Variants in PCDHA12 observed in about 807,000 individuals in gnomAD.
The protein encoded by PCDHA12 is protocadherin alpha 12.
In PCDHA12, 44 loss-of-function variants were observed where a neutral mutation model predicts 60.0. The ratio of observed to expected loss-of-function variants is 0.73; its 90% CI spans 0.58 to 0.94. The LOEUF is 0.94. PCDHA12 is among the 40% of genes least tolerant of loss of function. The probability of loss-of-function intolerance (pLI) is 0.00; values close to 1 mark genes in which losing one functional copy is unlikely to be tolerated. For missense variants in PCDHA12, 1,276 were observed against 1,239.7 expected (o/e 1.03, Z -0.44); for synonymous variants, 569 against 553.0 (o/e 1.03, Z -0.40).
rs1305231081 is a variant in PCDHA12 at position 141,010,857 on chromosome 5, G to A, written c.*920G>A. The A allele has an allele frequency of 6.5e-6, 1 of 153,732 alleles. No homozygotes were observed. The highest frequency in any genetic ancestry group is 2.4e-5 in the African/African-American group (1 of 41,448). 9.5% of individuals were successfully genotyped at this position (153,732 alleles called of 1,614,324 possible). ...ATAGATTTATTTAAAAAAAGAGAAAGTCTATAGCTATAAATCTTTAAAGAG... is the reference window on the plus strand; with the variant it reads ...ATAGATTTATTTAAAAAAAGAGAAAATCTATAGCTATAAATCTTTAAAGAG... On this transcript the variant is annotated 3_prime_UTR_variant, in exon 4 of 4. Transcript: ENST00000398631.
At chr5:140,958,810 G>T (rs2095443726) in intron 1 of PCDHA12, among the ~76,000 whole-genome samples, 1 of 151,988 alleles carries the variant, frequency 6.6e-6, no homozygotes, top group Non-Finnish European at 1.5e-5. Context: ...ACACCATTCT[G>T]TTTTAATTTT....
In PCDHA12 at chr5:141,009,668, G is replaced by A. The variant is rs782068657; in HGVS notation, c.2557G>A (p.Val853Ile). The change falls in exon 4 of 4, where the codon GTC becomes ATC. Residue 853 changes from valine (V) to isoleucine (I), a missense_variant. Transcript: ENST00000398631. ...AGTGTCCCCTCCAGTCGGTGCGGGTGTCAACAGCAACAGCTGGACCTTTAA... is the reference window on the plus strand; with the variant it reads ...AGTGTCCCCTCCAGTCGGTGCGGGTATCAACAGCAACAGCTGGACCTTTAA... ...GEVSPPVGAG[V>I]NSNSWTFKYG... The A allele has an allele frequency of 1.2e-6, 2 of 1,614,108 alleles. No individual in the cohort carries two copies. Among genetic ancestry groups the A allele is most frequent in the Non-Finnish European group, 1.7e-6 (2 of 1,180,018 alleles).
intron 1 of PCDHA12, chr5:140,967,558 C>G (rs1554229674): frequency 6.2e-7 from 1 of 1,614,050 alleles, no homozygotes; most frequent in South Asian, 1.1e-5. Flanking sequence ...CTTATCGCGT[C>G]CAGCTACGGG....
In PCDHA12 at chr5:140,875,371, C is replaced by T. The variant is rs2055439966; in HGVS notation, c.-102C>T. The T allele has an allele frequency of 1.4e-6, 2 of 1,451,152 alleles. No individual in the cohort carries two copies. The highest frequency in any genetic ancestry group is 1.4e-5 in the African/African-American group (1 of 69,776). The allele number at this position is 1,451,152 out of a possible 1,614,324, so 89.9% of individuals were successfully genotyped here. On this transcript the variant is annotated 5_prime_UTR_variant, in exon 1 of 4. Transcript: ENST00000398631. ...TGACTGTGATGCTGGAAAAAATTTA[C>T]TAAATATGTACTTACAGAAAAGGGT...
chr5:140,884,837 C>A, intron 1 of PCDHA12: 4 of 902,438 alleles, frequency 4.4e-6, no homozygotes, highest in Non-Finnish European at 6.3e-6. Flanking sequence ...GATTATCCTT[C>A]AGAGTGAAAT....
chr5:140,875,578 T>C lies in PCDHA12; in HGVS notation c.106T>C (p.Tyr36His), dbSNP rs534589966. 6 of 1,614,098 alleles carry C rather than the reference T, an allele frequency of 3.7e-6. No homozygotes were observed. Among genetic ancestry groups the C allele is most frequent in the East Asian group, 4.5e-5 (2 of 44,882 alleles). The change falls in exon 1 of 4, where the codon TAC becomes CAC. Residue 36 changes from tyrosine (Y) to histidine (H), a missense_variant. Coordinates refer to ENST00000398631, the MANE Select transcript of PCDHA12 (RefSeq NM_018903.4). ...GAGCGGCCAGCTCCACTACTCCGTC[T>C]ACGAGGAGGCCAAACACGGCACCTT... is the stretch of plus-strand genomic sequence containing the variant. ...VGSGQLHYSVYEEAKHGTFVG... is the reference protein window; with the variant it reads ...VGSGQLHYSVHEEAKHGTFVG...
intron 1 of PCDHA12, among the ~76,000 whole-genome samples, chr5:140,897,367 T>C (rs1554187348): frequency 8.0e-6 from 1 of 125,642 alleles, no homozygotes; most frequent in East Asian, 2.4e-4. Flanking sequence ...CAGAGTGTGA[T>C]GTTCCCTTCC....
chr5:140,904,939 T>G (rs1418494936), intron 1 of PCDHA12, among the ~76,000 whole-genome samples: 3 of 152,254 alleles, frequency 2.0e-5, no homozygotes, highest in Admixed American at 2.0e-4. Flanking sequence ...TTCTGGATAT[T>G]AGTCCTTTGT....
At chr5:140,962,932 TC>T (rs1188109186) in intron 1 of PCDHA12, among the ~76,000 whole-genome samples, 20 of 152,266 alleles carry the variant, frequency 1.3e-4, no homozygotes, top group African/African-American at 4.3e-4. Flanking sequence ...CTTCTCAACC[TC>T]CTCTCCATAA....
intron 3 of PCDHA12, among the ~76,000 whole-genome samples, chr5:140,991,017 C>G (rs1440489095): frequency 6.6e-6 from 1 of 152,178 alleles, no homozygotes; most frequent in Non-Finnish European, 1.5e-5. Context: ...GTGATAAGCA[C>G]TTTACATATG....
chr5:140,927,011 C>T, intron 1 of PCDHA12: 1 of 1,612,606 alleles, frequency 6.2e-7, no homozygotes, highest in Non-Finnish European at 8.5e-7. Context: ...GGCAATCTCT[C>T]CGCGGACTTG....
chr5:140,967,073 G>C (rs1554229137), intron 1 of PCDHA12: 1 of 1,613,160 alleles, frequency 6.2e-7, no homozygotes, highest in Non-Finnish European at 8.5e-7. Context: ...CTTCGTCAAC[G>C]AGCGCATTGA....
At chr5:140,937,150 G>C (rs2153631833) in intron 1 of PCDHA12, among the ~76,000 whole-genome samples, 1 of 149,812 alleles carries the variant, frequency 6.7e-6, no homozygotes, top group East Asian at 2.0e-4. Context: ...CCATTCTCCT[G>C]CCTCAGCCTC....
chr5:140,882,111 C>A, intron 1 of PCDHA12: 1 of 1,379,348 alleles, frequency 7.2e-7, no homozygotes, highest in Non-Finnish European at 9.8e-7. Context: ...GCGAAGAAAG[C>A]CGCCGTTTCT....
chr5:140,930,766 T>C (rs1476506441), intron 1 of PCDHA12, among the ~76,000 whole-genome samples: 1 of 152,240 alleles, frequency 6.6e-6, no homozygotes, highest in Admixed American at 6.5e-5. Context: ...AAATTTTCTG[T>C]ACTTAATATT....
chr5:140,884,529 G>C lies in PCDHA12; in HGVS notation c.2367+6690G>C. On this transcript the variant is annotated intron_variant, in intron 1 of 3. Transcript: ENST00000398631. Reference sequence around the variant, plus strand: ...GGGAGTTGGTCGTACTCGCAGCAGAGGCGGCCGAGGGTGTGCTCTGGGGAG... The same window carrying C: ...GGGAGTTGGTCGTACTCGCAGCAGACGCGGCCGAGGGTGTGCTCTGGGGAG... 2.5e-6 allele frequency: 4 copies of C among 1,614,068 alleles called. No individual in the cohort carries two copies. Among genetic ancestry groups the C allele is most frequent in the Non-Finnish European group, 3.4e-6 (4 of 1,179,986 alleles).
intron 1 of PCDHA12, among the ~76,000 whole-genome samples, chr5:140,918,860 A>G (rs1264660506): frequency 6.6e-6 from 1 of 152,218 alleles, no homozygotes; most frequent in Non-Finnish European, 1.5e-5. Context: ...TGCCTGAATC[A>G]TGAACTTTCA....
chr5:140,887,670 C>A (rs368430565), intron 1 of PCDHA12, among the ~76,000 whole-genome samples: 2 of 151,988 alleles, frequency 1.3e-5, no homozygotes, highest in Non-Finnish European at 2.9e-5. Flanking sequence ...GTGGATTTAT[C>A]ATTTTCATCA....
chr5:140,928,807 C>G (rs782261335), intron 1 of PCDHA12: 1 of 1,614,094 alleles, frequency 6.2e-7, no homozygotes, highest in Admixed American at 1.7e-5. Context: ...GGTAGTGGTT[C>G]GGGACCATGG....
Sources: gnomAD v4.1 joint callset for allele counts (sites outside exome capture counted in the v4.1 genomes callset) on GRCh38, gnomAD v4.1.1 for gene constraint, MANE v1.5 for transcripts, NCBI Gene and HGNC (gene_info 2026-07-23, HGNC 2026-07-21) for gene names.